BCR: variants seen among roughly 807,000 people sequenced by gnomAD.
BCR encodes BCR activator of RhoGEF and GTPase.
BCR carries 58 observed loss-of-function variants against 138.6 expected under a neutral mutation model. The ratio of observed to expected loss-of-function variants is 0.42; its 90% CI spans 0.34 to 0.52. BCR has a LOEUF of 0.52. Among genes scored for constraint, BCR ranks in the 20% least tolerant of loss-of-function variants. The probability of loss-of-function intolerance (pLI) is 0.06; values close to 1 mark genes in which losing one functional copy is unlikely to be tolerated. For synonymous variants in BCR, 786 were observed against 730.1 expected (o/e 1.08, Z -1.23); for missense variants, 1,599 against 1,727.2 (o/e 0.93, Z 1.32).
rs1602112386 is a variant in BCR at position 23,292,467 on chromosome 22, C to T, written c.2783-74C>T. On this transcript the variant is annotated intron_variant, in intron 14 of 22. Coordinates refer to ENST00000305877, the MANE Select transcript of BCR (RefSeq NM_004327.4). The stretch of plus-strand genomic sequence containing the variant: ...TTATTTTTTCTGATTCTGCAAATAA[C>T]ACCTGCTCTTACAGACCATGTGGGT... The T allele has an allele frequency of 8.6e-6, 9 of 1,042,186 alleles. No individual in the cohort carries two copies. The East Asian group carries it at 2.2e-4, about 25-fold the overall frequency. 64.6% of individuals were successfully genotyped at this position (1,042,186 alleles called of 1,614,324 possible). A position where few individuals can be genotyped will look rare whatever the true frequency, so the allele number is the denominator to read the frequency against.
At chr22:23,240,117 T>C (rs1331599437) in intron 1 of BCR, among the ~76,000 whole-genome samples, 1 of 151,950 alleles carries the variant, frequency 6.6e-6, no homozygotes, top group African/African-American at 2.4e-5. Context: ...CCACCTCTTT[T>C]TTAAAGGACA....
chr22:23,209,344 A>C (rs922196643), intron 1 of BCR, among the ~76,000 whole-genome samples: 2 of 151,498 alleles, frequency 1.3e-5, no homozygotes, highest in African/African-American at 4.9e-5. Context: ...TGGGCTACAG[A>C]GTGAGACTCT....
chr22:23,275,680 C>T (rs1252052912), intron 8 of BCR, among the ~76,000 whole-genome samples: 7 of 152,222 alleles, frequency 4.6e-5, no homozygotes, highest in African/African-American at 1.7e-4. Flanking sequence ...AACCTGTGGG[C>T]AGTCCACACA....
chr22:23,270,011 A>C (rs1195060752), intron 5 of BCR, among the ~76,000 whole-genome samples: 1 of 152,100 alleles, frequency 6.6e-6, no homozygotes, highest in African/African-American at 2.4e-5. Context: ...ACCCACCGTG[A>C]AAGTTTGTGG....
rs538603300 is a variant in BCR, at chr22:23,181,536, C to A, written c.576C>A (p.Asn192Lys). The A allele has an allele frequency of 1.9e-6, 3 of 1,612,968 alleles. No homozygotes were observed. The highest frequency in any genetic ancestry group is 2.5e-6 in the Non-Finnish European group (3 of 1,179,966). The change falls in exon 1 of 23, where the codon AAC (asparagine) becomes AAA (lysine). Residue 192 changes from asparagine (N) to lysine (K), a missense_variant. Physicochemically the swap from Asn to Lys is moderately conservative, Grantham distance 94. Around this residue, in one of 4 missense-constraint regions of BCR, gnomAD observed 806 missense variants for 635.0 expected, o/e 1.27. Coordinates refer to ENST00000305877, the MANE Select transcript of BCR (RefSeq NM_004327.4). ...ACGAGCGCGGCCTGGTGAAGGTCAACGACAAAGAGGTGTCGGACCGCATCA... is the reference window on the plus strand; with the variant it reads ...ACGAGCGCGGCCTGGTGAAGGTCAAAGACAAAGAGGTGTCGGACCGCATCA... ...FHHERGLVKV[N>K]DKEVSDRISS...
At chr22:23,250,982 C>T (rs2073219911) in intron 1 of BCR, 1 of 152,204 alleles carries the variant, frequency 6.6e-6, no homozygotes, top group Non-Finnish European at 1.5e-5. Flanking sequence ...AGGAACTGAG[C>T]GTTAATAACC....
intron 1 of BCR, among the ~76,000 whole-genome samples, chr22:23,235,991 T>G (rs1026560647): frequency 2.6e-5 from 4 of 152,180 alleles, no homozygotes; most frequent in African/African-American, 7.2e-5. Flanking sequence ...ATGTGAACAT[T>G]TATTCTGTGT....
intron 2 of BCR, among the ~76,000 whole-genome samples, chr22:23,259,578 A>G (rs1033140651): frequency 3.3e-5 from 5 of 150,596 alleles, no homozygotes; most frequent in African/African-American, 1.2e-4. Flanking sequence ...GTGCCACAGC[A>G]TGGTCTCGGC....
chr22:23,261,303 G>T, intron 3 of BCR, 52 bp from the exon 4 acceptor site: 1 of 1,560,252 alleles, frequency 6.4e-7, no homozygotes, highest in South Asian at 1.1e-5. Flanking sequence ...CAATGCACCT[G>T]ACGGATGGCA....
intron 9 of BCR, among the ~76,000 whole-genome samples, chr22:23,284,431 G>A (rs963279461): frequency 2.6e-5 from 4 of 151,980 alleles, no homozygotes; most frequent in African/African-American, 4.8e-5. Context: ...TTGTCTCCCC[G>A]AGCCTGGTGG....
intron 1 of BCR, among the ~76,000 whole-genome samples, chr22:23,182,575 C>T (rs1300113051): frequency 2.0e-5 from 3 of 152,208 alleles, no homozygotes; most frequent in African/African-American, 4.8e-5. Context: ...TTGCTATGTG[C>T]TCTCTCCATG....
At chr22:23,238,210 C>A (rs922277098) in intron 1 of BCR, among the ~76,000 whole-genome samples, 3 of 152,056 alleles carry the variant, frequency 2.0e-5, no homozygotes, top group South Asian at 2.1e-4. Context: ...TCGAAGAAAG[C>A]CTTGGAGGTA....
At chr22:23,286,688 G>C (rs541841007) in intron 10 of BCR, among the ~76,000 whole-genome samples, 1 of 152,164 alleles carries the variant, frequency 6.6e-6, no homozygotes, top group East Asian at 1.9e-4. Flanking sequence ...AGCATAGGAA[G>C]GGCCTTCCCA....
chr22:23,253,803 C>G lies in BCR; in HGVS notation c.1284C>G (p.Gly428=), dbSNP rs761454338. 6.2e-7 allele frequency: 1 copy of G among 1,610,518 alleles called. No individual in the cohort carries two copies. The highest frequency in any genetic ancestry group is 2.2e-5 in the East Asian group (1 of 44,804). Residue 428 remains glycine (G), a synonymous_variant, in exon 2 of 23, where the codon GGC becomes GGG. Transcript: ENST00000305877. ...GEGAFHGDAD[G]SFGTPPGYGC... The stretch of plus-strand genomic sequence containing the variant: ...GATGCTTCTTTGCACACACAGATGG[C>G]TCGTTCGGAACACCACCTGGATACG...
At chr22:23,249,296 G>C (rs959826760) in intron 1 of BCR, among the ~76,000 whole-genome samples, 21 of 152,086 alleles carry the variant, frequency 1.4e-4, no homozygotes, top group African/African-American at 5.1e-4. Context: ...GCCAGGCGTG[G>C]TGGCGCACGC....
At chr22:23,281,368 A>T (rs547478616) in intron 8 of BCR, among the ~76,000 whole-genome samples, 1 of 152,232 alleles carries the variant, frequency 6.6e-6, no homozygotes, top group African/African-American at 2.4e-5. Context: ...ACCCCGGCCC[A>T]CCCTTGCCGT....
intron 1 of BCR, among the ~76,000 whole-genome samples, chr22:23,223,244 T>C (rs969019340): frequency 6.6e-6 from 1 of 152,094 alleles, no homozygotes; most frequent in Non-Finnish European, 1.5e-5. Context: ...CACCTAGCAG[T>C]GTGACAAGAA....
chr22:23,199,398 AG>A (rs1313543052), intron 1 of BCR: 2 of 472,840 alleles, frequency 4.2e-6, no homozygotes, highest in African/African-American at 4.0e-5. Context: ...CCACAGTCTC[AG>A]GTTCCAGAAA....
At chr22:23,298,332 G>A (rs1287668984) in intron 16 of BCR, among the ~76,000 whole-genome samples, 1 of 152,132 alleles carries the variant, frequency 6.6e-6, no homozygotes, top group East Asian at 1.9e-4. Flanking sequence ...CTGGCTAAAC[G>A]GACTTAGCAG....
Sources: gnomAD v4.1 joint callset for allele counts (sites outside exome capture counted in the v4.1 genomes callset) on GRCh38, gnomAD v4.1.1 for gene constraint, gnomAD v4.1.1 regional missense constraint, MANE v1.5 for transcripts, NCBI Gene and HGNC (gene_info 2026-07-23, HGNC 2026-07-21) for gene names.